The following RNLS variants were observed in gnomAD, a reference collection of about 807,000 sequenced individuals.
The protein encoded by RNLS is renalase.
In RNLS, 39 loss-of-function variants were observed where a neutral mutation model predicts 39.8. That is an observed-to-expected ratio of 0.98 (90% CI 0.76 to 1.28). The LOEUF (loss-of-function observed/expected upper bound fraction) is 1.28. Among genes scored for constraint, RNLS ranks in the 50% most tolerant of loss-of-function variants. The pLI, the probability that RNLS is intolerant of heterozygous loss-of-function variation, is 0.00. For missense variants in RNLS, 410 were observed against 413.3 expected (o/e 0.99, Z 0.07); for synonymous variants, 147 against 150.7 (o/e 0.98, Z 0.18).
At chr10:88,314,001 G>T (rs1845568975) in intron 6 of RNLS, among the ~76,000 whole-genome samples, 1 of 152,166 alleles carries the variant, frequency 6.6e-6, no homozygotes, top group Admixed American at 6.5e-5. Context: ...AGAGAGCTCA[G>T]CTGGCAGCAG....
intron 5 of RNLS, among the ~76,000 whole-genome samples, chr10:88,321,945 A>C (rs997170805): frequency 2.0e-5 from 3 of 152,204 alleles, no homozygotes; most frequent in Non-Finnish European, 4.4e-5. Flanking sequence ...TTCTTCCCCA[A>C]CTCATTCTAT....
At chr10:88,314,419 C>T (rs1845601223) in intron 6 of RNLS, 47 bp downstream of exon 6, 3 of 1,580,994 alleles carry the variant, frequency 1.9e-6, no homozygotes, top group Non-Finnish European at 1.7e-6. Flanking sequence ...GTTCTGTGAG[C>T]CTGTTAAGAA....
intron 4 of RNLS, among the ~76,000 whole-genome samples, chr10:88,385,465 T>C (rs1392820005): frequency 6.6e-6 from 1 of 152,178 alleles, no homozygotes; most frequent in Non-Finnish European, 1.5e-5. Context: ...AGCCTAGACA[T>C]GGTAGAATTT....
intron 6 of RNLS, among the ~76,000 whole-genome samples, chr10:88,299,311 C>A (rs528928538): frequency 6.6e-6 from 1 of 152,044 alleles, no homozygotes; most frequent in Non-Finnish European, 1.5e-5. Context: ...GTATGGTTTG[C>A]GCTTTTCTGT....
the RNLS span, among the ~76,000 whole-genome samples, chr10:88,260,463 T>C: frequency 0.1 from 15,799 of 152,236 alleles, 1,127 homozygotes; most frequent in East Asian, 0.23. Flanking sequence ...TTGCAGATGA[T>C]AAAACTAAGG....
the RNLS span, among the ~76,000 whole-genome samples, chr10:88,218,711 C>T: frequency 1.3e-5 from 2 of 152,192 alleles, no homozygotes; most frequent in African/African-American, 2.4e-5. Flanking sequence ...TAACTCACCC[C>T]AAACAAGGTG....
At chr10:88,379,163 G>C (rs1262125673) in intron 4 of RNLS, among the ~76,000 whole-genome samples, 5 of 152,166 alleles carry the variant, frequency 3.3e-5, no homozygotes, top group Non-Finnish European at 7.4e-5. Flanking sequence ...AGGACCACTA[G>C]TGTCATTAAC....
chr10:88,287,861 C>T (rs986341658), intron 6 of RNLS, among the ~76,000 whole-genome samples: 14 of 151,966 alleles, frequency 9.2e-5, no homozygotes, highest in African/African-American at 3.4e-4. Flanking sequence ...CAGGTACCTC[C>T]CTCAACACAT....
chr10:88,432,689 C>T (rs1855205942), intron 4 of RNLS, among the ~76,000 whole-genome samples: 1 of 151,864 alleles, frequency 6.6e-6, no homozygotes, highest in South Asian at 2.1e-4. Context: ...AGTTTTCCAA[C>T]AAAATGCCAA....
chr10:88,339,549 A>G (rs527289226), intron 5 of RNLS, among the ~76,000 whole-genome samples: 31 of 152,292 alleles, frequency 2.0e-4, no homozygotes, highest in Admixed American at 1.6e-3. Flanking sequence ...AAATAGGGAT[A>G]ATAATATTTA....
chr10:88,224,803 T>A, the RNLS span, among the ~76,000 whole-genome samples: 8 of 152,312 alleles, frequency 5.3e-5, no homozygotes, highest in East Asian at 3.9e-4. Flanking sequence ...GTAATTCAAA[T>A]GATAACACAA....
chr10:88,253,743 C>T, the RNLS span, among the ~76,000 whole-genome samples: 1 of 152,210 alleles, frequency 6.6e-6, no homozygotes. Context: ...TATCCACACA[C>T]TGTGAAGAAC....
chr10:88,413,431 C>CAGCGTGTTTCCCTCTCTCATAA (rs1314838742), intron 4 of RNLS, among the ~76,000 whole-genome samples: 3 of 152,318 alleles, frequency 2.0e-5, no homozygotes, highest in African/African-American at 7.2e-5. Flanking sequence ...TAGCAAAGGA[C>CAGCGTGTTTCCCTCTCTCATAA]AGCGTGTTTC....
intron 5 of RNLS, among the ~76,000 whole-genome samples, chr10:88,346,893 A>T (rs1428388991): frequency 6.6e-5 from 10 of 152,154 alleles, no homozygotes; most frequent in Non-Finnish European, 1.2e-4. Context: ...CTGCAGTCAG[A>T]GCGTATTACT....
At chr10:88,305,771 C>T (rs1008387183) in intron 6 of RNLS, among the ~76,000 whole-genome samples, 2 of 152,074 alleles carry the variant, frequency 1.3e-5, no homozygotes, top group African/African-American at 2.4e-5. Context: ...GCAGATGATA[C>T]AGACAGAAAA....
chr10:88,301,210 A>T (rs1454893999), intron 6 of RNLS, among the ~76,000 whole-genome samples: 1 of 152,194 alleles, frequency 6.6e-6, no homozygotes, highest in African/African-American at 2.4e-5. Flanking sequence ...GAATTTTGCG[A>T]AAAGGGGAAA....
At chr10:88,293,987 G>C (rs1200552678) in intron 6 of RNLS, among the ~76,000 whole-genome samples, 3 of 152,150 alleles carry the variant, frequency 2.0e-5, no homozygotes, top group African/African-American at 7.2e-5. Flanking sequence ...GATAAAACTA[G>C]AATCTACAGT....
intron 4 of RNLS, among the ~76,000 whole-genome samples, chr10:88,369,837 C>A (rs896655006): frequency 6.6e-6 from 1 of 152,080 alleles, no homozygotes; most frequent in Admixed American, 6.6e-5. Context: ...ATGCCACACA[C>A]CTGGCTAATT....
intron 4 of RNLS, among the ~76,000 whole-genome samples, chr10:88,448,344 T>C (rs562987113): frequency 6.6e-6 from 1 of 152,188 alleles, no homozygotes; most frequent in South Asian, 2.1e-4. Context: ...GCAAAAGATA[T>C]GAACAGACAC....
Sources: allele counts gnomAD v4.1 joint callset (sites outside exome capture counted in the v4.1 genomes callset), GRCh38; gene constraint gnomAD v4.1.1; transcripts MANE v1.5; gene names NCBI Gene and HGNC (gene_info 2026-07-23, HGNC 2026-07-21).